Variants in C10orf71 observed in about 807,000 individuals in gnomAD.
The protein encoded by C10orf71 is cardiac-enriched FHL2-interacting protein.
For synonymous variants in C10orf71, 758 were observed against 726.3 expected (o/e 1.04, Z -0.70); for missense variants, 1,869 against 1,804.5 (o/e 1.04, Z -0.65).
At chr10:49,299,960 G>A (rs1326339672) in intron 1 of C10orf71, among the ~76,000 whole-genome samples, 1 of 152,242 alleles carries the variant, frequency 6.6e-6, no homozygotes, top group Admixed American at 6.5e-5. Context: ...CAGGCTGCCT[G>A]TTCTTACACA....
chr10:49,324,594 G>A lies in C10orf71; in HGVS notation c.2049G>A (p.Glu683=), dbSNP rs1236509513. 1 of 1,613,846 alleles carries A rather than the reference G, an allele frequency of 6.2e-7. No individual in the cohort carries two copies. The highest frequency in any genetic ancestry group is 8.5e-7 in the Non-Finnish European group (1 of 1,179,874). ...CTGTGTCCCAAGAGACAGAACCTGAGAGGGAAGCAGGACTTCAGAACACAC... is the reference window on the plus strand; with the variant it reads ...CTGTGTCCCAAGAGACAGAACCTGAAAGGGAAGCAGGACTTCAGAACACAC... ...SRSVSQETEP[E]REAGLQNTHL... is the part of the protein sequence containing the mutation. The change falls in exon 3 of 3, where the codon GAG becomes GAA. Residue 683 remains glutamate, a synonymous_variant. Transcript: ENST00000374144.
At chr10:49,298,568 G>T (rs2292201), upstream of C10orf71, 27,677 of 152,260 alleles carry the variant, frequency 0.18, 2,834 homozygotes, top group African/African-American at 0.27. Context: ...CAGGGTTGAA[G>T]GGAGGCCAGC....
Position 49,325,101 on chromosome 10 carries a change from CA to C in C10orf71, c.2557del (p.Met853CysfsTer15). 2.3e-5 allele frequency: 36 copies of C among 1,552,020 alleles called. No individual in the cohort carries two copies. Among genetic ancestry groups the C allele is most frequent in the Non-Finnish European group, 3.1e-5 (35 of 1,147,072 alleles). On this transcript the variant is annotated frameshift_variant, in exon 3 of 3. Transcript: ENST00000374144. LOFTEE classifies it low-confidence loss of function (END_TRUNC). ...PSPSSASNRH[M>X]LFTIKDNTLR... ...CACCATCTTCTGCTTCAAACAGGCACATGCTGTTTACGATTAAAGACAACAC... is the reference window on the plus strand; with the variant it reads ...CACCATCTTCTGCTTCAAACAGGCACTGCTGTTTACGATTAAAGACAACAC...
At chr10:49,308,242 A>T (rs1024704807) in intron 1 of C10orf71, among the ~76,000 whole-genome samples, 2 of 152,214 alleles carry the variant, frequency 1.3e-5, no homozygotes, top group Admixed American at 1.3e-4. Context: ...TACAAGATTT[A>T]GAGGCTCCTG....
At chr10:49,303,837 A>C (rs1216532023) in intron 1 of C10orf71, among the ~76,000 whole-genome samples, 1 of 152,240 alleles carries the variant, frequency 6.6e-6, no homozygotes, top group African/African-American at 2.4e-5. Flanking sequence ...ATTGCACTGC[A>C]GGAGCCTGTT....
chr10:49,323,027 G>A lies in C10orf71; in HGVS notation c.482G>A (p.Arg161Lys). The A allele has an allele frequency of 6.2e-7, 1 of 1,613,934 alleles. No homozygotes were observed. The highest frequency in any genetic ancestry group is 8.5e-7 in the Non-Finnish European group (1 of 1,179,886). The change falls in exon 3 of 3, where the codon AGG becomes AAG. Residue 161 changes from arginine to lysine, a missense_variant. Arg to Lys is a conservative substitution (Grantham distance 26). Transcript: ENST00000374144. Reference sequence around the variant, plus strand: ...ACCGAGAGCCAACGTTGTGAGAGCAGGCCCACTGCCAGCAAGCCTCCGGCT... The same window carrying A: ...ACCGAGAGCCAACGTTGTGAGAGCAAGCCCACTGCCAGCAAGCCTCCGGCT... ...DRTESQRCES[R>K]PTASKPPALK...
At position 49,325,916 on chromosome 10, in the gene C10orf71, A is replaced by T; in HGVS notation, c.3371A>T (p.Asp1124Val). The change falls in exon 3 of 3, where the codon GAC (aspartate) becomes GTC (valine). Residue 1124 changes from aspartate to valine, a missense_variant. Asp to Val is a radical substitution (Grantham distance 152, BLOSUM62 -3). Transcript: ENST00000374144. ...GCCCTCGTGTGGGAGGGCGGCTCTG[A>T]CCCCCTACTTGAGCTGTCGGCAGAA... Reference protein sequence around the residue: ...THALVWEGGSDPLLELSAEDL... With the variant: ...THALVWEGGSVPLLELSAEDL... The T allele has an allele frequency of 6.4e-7, 1 of 1,550,422 alleles. No individual in the cohort carries two copies.
chr10:49,312,733 A>G (rs1848937564), intron 1 of C10orf71, among the ~76,000 whole-genome samples: 1 of 152,204 alleles, frequency 6.6e-6, no homozygotes. Flanking sequence ...CCTTCCCTGG[A>G]GCCAGCTTGT....
Position 49,322,918 on chromosome 10 carries a change from A to T in C10orf71, c.373A>T (p.Arg125Ter). The T allele has an allele frequency of 6.2e-7, 1 of 1,613,850 alleles. No individual in the cohort carries two copies. The highest frequency in any genetic ancestry group is 8.5e-7 in the Non-Finnish European group (1 of 1,179,784). Reference protein sequence around the residue: ...TSPPPTPVQRRLEVPVSGLRS... With the variant: ...TSPPPTPVQR ...CCCCCCACCAACGCCAGTCCAGAGGAGACTGGAGGTGCCAGTTTCCGGCCT... is the reference window on the plus strand; with the variant it reads ...CCCCCCACCAACGCCAGTCCAGAGGTGACTGGAGGTGCCAGTTTCCGGCCT... The change falls in exon 3 of 3, where the codon AGA becomes TGA. Residue 125 changes from arginine (R) to a stop codon, truncating the protein, a stop_gained. Coordinates refer to ENST00000374144, the MANE Select transcript of C10orf71 (RefSeq NM_001135196.2). LOFTEE classifies it low-confidence loss of function (END_TRUNC).
intron 1 of C10orf71, among the ~76,000 whole-genome samples, chr10:49,304,070 G>C (rs1848772366): frequency 6.6e-6 from 1 of 152,216 alleles, no homozygotes; most frequent in African/African-American, 2.4e-5. Context: ...TTCCAGGCCA[G>C]GGAAGATGAG....
intron 1 of C10orf71, among the ~76,000 whole-genome samples, chr10:49,314,976 T>C (rs1848974828): frequency 6.6e-6 from 1 of 152,170 alleles, no homozygotes; most frequent in Non-Finnish European, 1.5e-5. Context: ...ACTTCCTTTC[T>C]AGTGAGGAGG....
rs1231077584 is a variant in C10orf71 at position 49,323,100 on chromosome 10, C to T, written c.555C>T (p.Asn185=). 3.1e-6 allele frequency: 5 copies of T among 1,613,942 alleles called. No homozygotes were observed. In the East Asian group the frequency reaches 8.9e-5, roughly 29 times the overall value. ...KFAPLPENSV[N]FCFDSAFLTV... is the part of the protein sequence containing the mutation. ...CTCCTCTTCCAGAAAACAGTGTCAA[C>T]TTCTGCTTCGATTCTGCCTTTCTGA... Residue 185 remains asparagine (N), a synonymous_variant, in exon 3 of 3, where the codon AAC becomes AAT. Coordinates refer to ENST00000374144, the MANE Select transcript of C10orf71 (RefSeq NM_001135196.2).
intron 2 of C10orf71, among the ~76,000 whole-genome samples, chr10:49,319,672 C>A (rs1213891770): frequency 2.2e-5 from 2 of 91,760 alleles, no homozygotes; most frequent in Non-Finnish European, 4.8e-5. Flanking sequence ...TATATGTACA[C>A]ACACACAAGC....
intron 2 of C10orf71, among the ~76,000 whole-genome samples, chr10:49,319,682 C>T (rs1170439964): frequency 8.5e-6 from 1 of 117,792 alleles, no homozygotes. Context: ...CACACACAAG[C>T]TATATATATA....
chr10:49,326,232 A>C lies in C10orf71; in HGVS notation c.3687A>C (p.Arg1229=). 6.4e-7 allele frequency: 1 copy of C among 1,550,678 alleles called. No individual in the cohort carries two copies. The highest frequency in any genetic ancestry group is 2.4e-5 in the East Asian group (1 of 40,880). Residue 1229 remains arginine (R), a synonymous_variant, in exon 3 of 3, where the codon CGA becomes CGC. Transcript: ENST00000374144. ...QRPLCPRERP[R]HNFPVVRSLP... is the part of the protein sequence containing the mutation. ...CGCTGTGCCCCAGAGAGAGGCCCCG[A>C]CACAATTTCCCCGTGGTCCGTTCCC...
At chr10:49,297,211 G>A (rs532439904), upstream of C10orf71, among the ~76,000 whole-genome samples, 3 of 152,306 alleles carry the variant, frequency 2.0e-5, no homozygotes, top group South Asian at 2.1e-4. Flanking sequence ...GAAGACCAGC[G>A]GCCCTGCCGA....
chr10:49,300,174 C>T (rs1848702001), intron 1 of C10orf71, among the ~76,000 whole-genome samples: 1 of 152,184 alleles, frequency 6.6e-6, no homozygotes, highest in Non-Finnish European at 1.5e-5. Context: ...GCAGATTAAA[C>T]AGATGTGTGT....
chr10:49,325,429 C>A lies in C10orf71; in HGVS notation c.2884C>A (p.Pro962Thr). Residue 962 changes from proline to threonine, a missense_variant, in exon 3 of 3, where the codon CCT becomes ACT. Physicochemically the swap from Pro to Thr is conservative, Grantham distance 38 (BLOSUM62 -1). Transcript: ENST00000374144. ...PAPKGNFPSM[P>T]LVGEGDRVKA... ...CCCAAAGGGGAATTTCCCATCTATG[C>A]CTCTGGTGGGAGAGGGGGACCGGGT... 1 of 1,550,044 alleles carries A rather than the reference C, an allele frequency of 6.5e-7. No individual in the cohort carries two copies. The highest frequency in any genetic ancestry group is 8.7e-7 in the Non-Finnish European group (1 of 1,145,764).
upstream of C10orf71, among the ~76,000 whole-genome samples, chr10:49,297,192 G>A (rs1268525448): frequency 6.6e-6 from 1 of 152,246 alleles, no homozygotes; most frequent in Admixed American, 6.5e-5. Context: ...GGGGAGGAAA[G>A]CAAATTAGGA....
Sources: allele counts gnomAD v4.1 joint callset (sites outside exome capture counted in the v4.1 genomes callset), GRCh38; gene constraint gnomAD v4.1.1; transcripts MANE v1.5; gene names NCBI Gene and HGNC (gene_info 2026-07-23, HGNC 2026-07-21).